CACNA1H: variants seen among roughly 807,000 people sequenced by gnomAD.
CACNA1H encodes the protein voltage-dependent T-type calcium channel subunit alpha-1H.
Under a neutral mutation model 192.5 loss-of-function variants are expected in CACNA1H, and 149 were observed. That is an observed-to-expected ratio of 0.77 (90% CI 0.68 to 0.89). The LOEUF (loss-of-function observed/expected upper bound fraction) is 0.89. Ranked by LOEUF, CACNA1H falls within the 40% of genes least tolerant of loss-of-function variation. CACNA1H has a pLI of 0.00. For synonymous variants in CACNA1H, 2,202 were observed against 1,475.2 expected (o/e 1.49, Z -11.29); for missense variants, 4,257 against 3,423.5 (o/e 1.24, Z -6.08).
At chr16:1,169,367 C>G (rs1022591215) in intron 2 of CACNA1H, among the ~76,000 whole-genome samples, 1 of 152,238 alleles carries the variant, frequency 6.6e-6, no homozygotes, top group East Asian at 1.9e-4. Context: ...CCCTCCCACC[C>G]TCTGACACAG....
In CACNA1H at chr16:1,196,793, G is replaced by A. The variant is rs118125888; in HGVS notation, c.643+770G>A. On this transcript the variant is annotated intron_variant, in intron 5 of 34. Coordinates refer to ENST00000348261, the MANE Select transcript of CACNA1H (RefSeq NM_021098.3). Reference sequence around the variant, plus strand: ...GTTTGGGAAACATCCTGTCAAATCCGGGCCACCCACCTGCATCAGGGGATG... The same window carrying A: ...GTTTGGGAAACATCCTGTCAAATCCAGGCCACCCACCTGCATCAGGGGATG... 8.5e-5 allele frequency among the ~76,000 whole-genome samples: 13 copies of A among 152,238 alleles called. No homozygotes were observed. The East Asian group carries it at 2.1e-3, about 25-fold the overall frequency.
At chr16:1,217,650 GACACAC>G (rs778251481) in intron 31 of CACNA1H, among the ~76,000 whole-genome samples, 3 of 152,180 alleles carry the variant, frequency 2.0e-5, no homozygotes, top group Non-Finnish European at 4.4e-5. Flanking sequence ...CGCAGTCACA[GACACAC>G]ACAATAATGA....
intron 9 of CACNA1H, 51 bp downstream of exon 9, chr16:1,202,503 C>A (rs1041574844): frequency 7.1e-7 from 1 of 1,417,582 alleles, no homozygotes; most frequent in Non-Finnish European, 9.3e-7. Flanking sequence ...CTAGGCAGGG[C>A]GGGCAGGGTC....
chr16:1,209,960 C>A, intron 17 of CACNA1H, 75 bp from the exon 18 acceptor site: 1 of 1,119,794 alleles, frequency 8.9e-7, no homozygotes, highest in Non-Finnish European at 1.3e-6. Flanking sequence ...GGTGGCCGAG[C>A]TGAGCACAGA....
chr16:1,195,437 T>C lies in CACNA1H; in HGVS notation c.417T>C (p.Phe139=), dbSNP rs2141197568. The C allele has an allele frequency of 1.9e-6, 3 of 1,553,502 alleles. No individual in the cohort carries two copies. In the Admixed American group the frequency reaches 5.9e-5, roughly 30 times the overall value. ...CCTGATGCCTCCTCCCGCAGGCCTT[T>C]GACGCCTTCATTTTCGCCTTTTTTG... is the stretch of plus-strand genomic sequence containing the variant. ...GSERCNILEA[F]DAFIFAFFAV... Residue 139 remains phenylalanine (F), a synonymous_variant, in exon 4 of 35, where the codon TTT becomes TTC. Transcript: ENST00000348261.
chr16:1,198,635 C>T lies in CACNA1H; in HGVS notation c.664C>T (p.Leu222=), dbSNP rs372832772. The part of the protein sequence containing the change: ...RVPSMRILVT[L]LLDTLPMLGN... ...CACAGGCATGCGGATCCTGGTCACT[C>T]TGCTGCTGGATACGCTGCCCATGCT... The change falls in exon 6 of 35, where the codon CTG becomes TTG. Residue 222 remains leucine (L), a synonymous_variant. Coordinates refer to ENST00000348261, the MANE Select transcript of CACNA1H (RefSeq NM_021098.3). 2 of 1,613,298 alleles carry T rather than the reference C, an allele frequency of 1.2e-6. No homozygotes were observed. Among genetic ancestry groups the T allele is most frequent in the Non-Finnish European group, 1.7e-6 (2 of 1,179,620 alleles).
chr16:1,195,984 C>G lies in CACNA1H; in HGVS notation c.604C>G (p.Arg202Gly). ...NVSLSAIRTVRVLRPLRAINR... is the reference protein window; with the variant it reads ...NVSLSAIRTVGVLRPLRAINR... Reference sequence around the variant, plus strand: ...GAGCCTCTCGGCTATCAGGACCGTGCGGGTGCTGCGGCCCCTCCGCGCCAT... The same window carrying G: ...GAGCCTCTCGGCTATCAGGACCGTGGGGGTGCTGCGGCCCCTCCGCGCCAT... Residue 202 changes from arginine (R) to glycine (G), a missense_variant, in exon 5 of 35, where the codon CGG (arginine) becomes GGG (glycine). Arg to Gly is a moderately radical substitution (Grantham distance 125, BLOSUM62 -2). Coordinates refer to ENST00000348261, the MANE Select transcript of CACNA1H (RefSeq NM_021098.3). The G allele has an allele frequency of 7.4e-6, 12 of 1,613,000 alleles. No homozygotes were observed. Among genetic ancestry groups the G allele is most frequent in the Non-Finnish European group, 1.0e-5 (12 of 1,179,782 alleles).
chr16:1,158,015 C>T (rs1962659695), intron 2 of CACNA1H: 1 of 151,938 alleles, frequency 6.6e-6, no homozygotes, highest in Non-Finnish European at 1.5e-5. Flanking sequence ...CCGTGGCGCC[C>T]TTGCCCGCAT....
intron 2 of CACNA1H, among the ~76,000 whole-genome samples, chr16:1,187,869 C>T (rs528916673): frequency 1.3e-5 from 2 of 152,210 alleles, no homozygotes; most frequent in South Asian, 2.1e-4. Context: ...GCCCCGCCTC[C>T]GTCCCTCTGT....
At chr16:1,183,336 C>A (rs1245705263) in intron 2 of CACNA1H, among the ~76,000 whole-genome samples, 1 of 152,162 alleles carries the variant, frequency 6.6e-6, no homozygotes, top group Non-Finnish European at 1.5e-5. Context: ...TAAAACCCTG[C>A]GGTGGCTTCT....
Position 1,209,322 on chromosome 16 carries a change from C to T in CACNA1H, c.3654C>T (p.Asp1218=), listed in dbSNP as rs200922359. Reference sequence around the variant, plus strand: ...CGCCTACCAAGTGCCGCGATCGCGACGGGCAGGTGGTGGCCCTGCCCAGCG... The same window carrying T: ...CGCCTACCAAGTGCCGCGATCGCGATGGGCAGGTGGTGGCCCTGCCCAGCG... The part of the protein sequence containing the change: ...ALPPTKCRDR[D]GQVVALPSDF... Residue 1218 remains aspartate, a synonymous_variant, in exon 17 of 35, where the codon GAC becomes GAT. Coordinates refer to ENST00000348261, the MANE Select transcript of CACNA1H (RefSeq NM_021098.3). 1.4e-5 allele frequency: 23 copies of T among 1,597,944 alleles called. No individual in the cohort carries two copies. The highest frequency in any genetic ancestry group is 4.0e-5 in the African/African-American group (3 of 75,022).
At chr16:1,168,468 G>C (rs113067363) in intron 2 of CACNA1H, among the ~76,000 whole-genome samples, 1 of 152,020 alleles carries the variant, frequency 6.6e-6, no homozygotes, top group Non-Finnish European at 1.5e-5. Context: ...TGCTTGGGCT[G>C]CTCTGGGGGA....
At chr16:1,210,292 A>T in intron 18 of CACNA1H, 78 bp from the exon 19 acceptor site, 1 of 1,340,446 alleles carries the variant, frequency 7.5e-7, no homozygotes, top group Non-Finnish European at 1.0e-6. Context: ...AGGCGTGGCC[A>T]GGGCTGTCCT....
chr16:1,195,452 C>G lies in CACNA1H; in HGVS notation c.432C>G (p.Phe144Leu). ...CGCAGGCCTTTGACGCCTTCATTTT[C>G]GCCTTTTTTGCGGTGGAGATGGTCA... Reference protein sequence around the residue: ...NILEAFDAFIFAFFAVEMVIK... With the variant: ...NILEAFDAFILAFFAVEMVIK... The change falls in exon 4 of 35, where the codon TTC (phenylalanine) becomes TTG (leucine). Residue 144 changes from phenylalanine to leucine, a missense_variant. By Grantham distance (22) the Phe-to-Leu change is conservative. Coordinates refer to ENST00000348261, the MANE Select transcript of CACNA1H (RefSeq NM_021098.3). 1 of 1,560,474 alleles carries G rather than the reference C, an allele frequency of 6.4e-7. No individual in the cohort carries two copies.
chr16:1,176,327 G>A (rs1219396177), intron 2 of CACNA1H, among the ~76,000 whole-genome samples: 1 of 152,238 alleles, frequency 6.6e-6, no homozygotes, highest in Non-Finnish European at 1.5e-5. Context: ...ATGTCTCGGA[G>A]CTCCCCTGCC....
chr16:1,212,905 G>A (rs768526089), intron 26 of CACNA1H, among the ~76,000 whole-genome samples: 4 of 152,242 alleles, frequency 2.6e-5, no homozygotes, highest in Non-Finnish European at 5.9e-5. Flanking sequence ...CATGCCGGCC[G>A]CAGAGCATGA....
At chr16:1,186,743 C>T (rs958265947) in intron 2 of CACNA1H, among the ~76,000 whole-genome samples, 2 of 152,202 alleles carry the variant, frequency 1.3e-5, no homozygotes, top group Non-Finnish European at 2.9e-5. Context: ...TGCTTCCTGG[C>T]CGGTGAATGT....
intron 22 of CACNA1H, 70 bp from the exon 23 acceptor site, chr16:1,211,411 C>T (rs927411254): frequency 6.1e-5 from 98 of 1,606,764 alleles, no homozygotes; most frequent in Middle Eastern, 1.7e-4. Flanking sequence ...GCCTCACTCG[C>T]GCCCCAGGAA....
At position 1,207,263 on chromosome 16, in the gene CACNA1H, G is replaced by A. The variant is rs1402919388; in HGVS notation, c.2908-12G>A. On this transcript the variant is annotated splice_polypyrimidine_tract_variant and intron_variant, in intron 13 of 34. Coordinates refer to ENST00000348261, the MANE Select transcript of CACNA1H (RefSeq NM_021098.3). ...CTGGGGTGACCACCCCAGGCCCCCT[G>A]CTATCCCCCAGATCCTGACCCAGGA... 6.3e-7 allele frequency: 1 copy of A among 1,598,500 alleles called. No homozygotes were observed.
Sources: allele counts gnomAD v4.1 joint callset (sites outside exome capture counted in the v4.1 genomes callset), GRCh38; gene constraint gnomAD v4.1.1; transcripts MANE v1.5; gene names NCBI Gene and HGNC (gene_info 2026-07-23, HGNC 2026-07-21).